The following CNTN1 variants were observed in gnomAD, a reference collection of about 807,000 sequenced individuals.
CNTN1 encodes contactin-1.
CNTN1 carries 38 observed loss-of-function variants against 126.4 expected under a neutral mutation model. That is an observed-to-expected ratio of 0.30 (90% CI 0.23 to 0.39). The LOEUF is 0.39. CNTN1 is among the 10% of genes least tolerant of loss of function. The probability of loss-of-function intolerance (pLI) is 1.00; values close to 1 mark genes in which losing one functional copy is unlikely to be tolerated. For synonymous variants in CNTN1, 413 were observed against 422.6 expected (o/e 0.98, Z 0.28); for missense variants, 1,009 against 1,248.4 (o/e 0.81, Z 2.89).
At chr12:41,018,413 C>A (rs139055794) in intron 19 of CNTN1, among the ~76,000 whole-genome samples, 275 of 152,064 alleles carry the variant, frequency 1.8e-3, no homozygotes, top group African/African-American at 6.2e-3. Context: ...ATTCATCGGT[C>A]ACAGAATTAT....
intron 1 of CNTN1, among the ~76,000 whole-genome samples, chr12:40,896,932 C>T (rs941752495): frequency 6.6e-6 from 1 of 152,142 alleles, no homozygotes; most frequent in Non-Finnish European, 1.5e-5. Context: ...CATTTACAAA[C>T]TGAAGCTAAT....
At chr12:40,924,896 A>ATATATATATATATATATATATT (rs1555181607) in intron 6 of CNTN1, among the ~76,000 whole-genome samples, 1 of 147,354 alleles carries the variant, frequency 6.8e-6, no homozygotes, top group Non-Finnish European at 1.5e-5. Flanking sequence ...ATATATATAT[A>ATATATATATATATATATATATT]TAGTATTATG....
rs1341790557 is a variant in CNTN1 at position 41,034,418 on chromosome 12, T to C, written c.2980+5199T>C. Among the ~76,000 whole-genome samples, 4 of 152,200 alleles carry C rather than the reference T, an allele frequency of 2.6e-5. No individual in the cohort carries two copies. In the East Asian group the frequency reaches 7.7e-4, roughly 29 times the overall value. ...AACTATTTTTTGGGTAGAACTTTTA[T>C]ATGTTTAACTCCATCACTACTCCTG... On this transcript the variant is annotated intron_variant, in intron 23 of 23. Transcript: ENST00000551295.
chr12:40,930,074 G>C (rs1945831362), intron 7 of CNTN1, 72 bp downstream of exon 7: 4 of 1,209,292 alleles, frequency 3.3e-6, no homozygotes, highest in Non-Finnish European at 4.9e-6. Context: ...GTAATGAAAA[G>C]AAATATCCAG....
intron 1 of CNTN1, among the ~76,000 whole-genome samples, chr12:40,853,171 A>G (rs1372594689): frequency 6.6e-6 from 1 of 152,032 alleles, no homozygotes; most frequent in African/African-American, 2.4e-5. Flanking sequence ...AGGTTTTGTT[A>G]CCAGATATGA....
intron 16 of CNTN1, among the ~76,000 whole-genome samples, chr12:40,984,415 T>C (rs1592362602): frequency 1.3e-5 from 2 of 152,286 alleles, no homozygotes; most frequent in South Asian, 4.1e-4. Flanking sequence ...AGAATCATAG[T>C]GCCAGCATCT....
intron 18 of CNTN1, among the ~76,000 whole-genome samples, chr12:41,016,452 G>T (rs1948782862): frequency 6.6e-6 from 1 of 152,134 alleles, no homozygotes; most frequent in African/African-American, 2.4e-5. Flanking sequence ...AAAAAGGCCC[G>T]GAGTGAGAGG....
In CNTN1 at chr12:40,924,010, A is replaced by G. The variant is rs185748193; in HGVS notation, c.401-547A>G. On this transcript the variant is annotated intron_variant, in intron 5 of 23. Coordinates refer to ENST00000551295, the MANE Select transcript of CNTN1 (RefSeq NM_001843.4). The stretch of plus-strand genomic sequence containing the variant: ...AATGTAAGTTCCAAATACATAGAAA[A>G]GAGTAAAGAAAATTAGAACTGAAAC... Among the ~76,000 whole-genome samples, 88 of 152,288 alleles carry G rather than the reference A, an allele frequency of 5.8e-4. 1 individual carries two copies. Among genetic ancestry groups the G allele is most frequent in the African/African-American group, 2.0e-3 (84 of 41,564 alleles).
In CNTN1 at chr12:40,812,078, G is replaced by A. The variant is rs548788390; in HGVS notation, c.-76-96279G>A. 1.5e-4 allele frequency among the ~76,000 whole-genome samples: 22 copies of A among 149,566 alleles called. No individual in the cohort carries two copies. The South Asian group carries it at 2.7e-3, about 19-fold the overall frequency. ...GCTTTTGCTGCATCCCTTAAATTTC[G>A]GTATGTTGTGTTTTCATTTTTGTTT... On this transcript the variant is annotated intron_variant, in intron 1 of 23. Coordinates refer to ENST00000551295, the MANE Select transcript of CNTN1 (RefSeq NM_001843.4).
chr12:41,043,683 T>G (rs141265888), intron 23 of CNTN1, among the ~76,000 whole-genome samples: 1,701 of 152,166 alleles, frequency 0.011, 18 homozygotes, highest in Non-Finnish European at 0.016. Flanking sequence ...CATGCTGCTA[T>G]AAAGACACAT....
At chr12:40,972,281 T>C in intron 15 of CNTN1, 1 of 985,272 alleles carries the variant, frequency 1.0e-6, no homozygotes. Flanking sequence ...AGGACTTGAG[T>C]AGAAGTGGAT....
chr12:40,907,764 A>G (rs111357385), intron 1 of CNTN1, among the ~76,000 whole-genome samples: 14 of 152,340 alleles, frequency 9.2e-5, no homozygotes, highest in African/African-American at 3.4e-4. Flanking sequence ...GAAAGAAGTA[A>G]AAGGGATGAG....
chr12:40,693,263 G>A (rs1445312198), intron 1 of CNTN1, among the ~76,000 whole-genome samples: 1 of 152,244 alleles, frequency 6.6e-6, no homozygotes, highest in East Asian at 1.9e-4. Context: ...AGACCGCGGA[G>A]CCACGGCCCC....
chr12:40,979,530 TATTA>T (rs769416140), intron 15 of CNTN1, among the ~76,000 whole-genome samples: 6 of 152,082 alleles, frequency 3.9e-5, no homozygotes, highest in Admixed American at 6.6e-5. Context: ...TAATAAAAAT[TATTA>T]ATTATTATAT....
chr12:40,937,032 T>A, intron 10 of CNTN1, 127 bp downstream of exon 10: 2 of 1,254,426 alleles, frequency 1.6e-6, no homozygotes, highest in East Asian at 2.4e-5. Context: ...ATATAAAAGC[T>A]TCCTAAAAAA....
At chr12:40,994,560 G>C (rs1234643276) in intron 17 of CNTN1, among the ~76,000 whole-genome samples, 1 of 152,060 alleles carries the variant, frequency 6.6e-6, no homozygotes, top group Non-Finnish European at 1.5e-5. Context: ...AAGAGCAACA[G>C]TGTTCGGTCC....
chr12:40,792,222 G>A (rs1409549776), intron 1 of CNTN1, among the ~76,000 whole-genome samples: 1 of 152,008 alleles, frequency 6.6e-6, no homozygotes, highest in Non-Finnish European at 1.5e-5. Context: ...GGACCCAGCA[G>A]CACCCAAATC....
intron 11 of CNTN1, among the ~76,000 whole-genome samples, chr12:40,938,410 C>G (rs1946154366): frequency 6.6e-6 from 1 of 152,116 alleles, no homozygotes; most frequent in African/African-American, 2.4e-5. Flanking sequence ...TGGCATTTTG[C>G]AGGGTGTTTG....
At position 40,962,257 on chromosome 12, in the gene CNTN1, G is replaced by A. The variant is rs139687052; in HGVS notation, c.1804+3023G>A. 2.4e-3 allele frequency among the ~76,000 whole-genome samples: 369 copies of A among 152,200 alleles called. 1 individual carries two copies. The highest frequency in any genetic ancestry group is 8.6e-3 in the African/African-American group (356 of 41,546). On this transcript the variant is annotated intron_variant, in intron 15 of 23. Coordinates refer to ENST00000551295, the MANE Select transcript of CNTN1 (RefSeq NM_001843.4). ...GCTGCCCTAATCAACATGTGTGTGT[G>A]CGTGTGTGTGCATGTGTGCACGCAT...
Sources: gnomAD v4.1 joint callset for allele counts (sites outside exome capture counted in the v4.1 genomes callset) on GRCh38, gnomAD v4.1.1 for gene constraint, MANE v1.5 for transcripts, NCBI Gene and HGNC (gene_info 2026-07-23, HGNC 2026-07-21) for gene names.